Variants in IL1RAP observed in about 807,000 individuals in gnomAD.
The protein encoded by IL1RAP is interleukin 1 receptor accessory protein, also known as interleukin-1 receptor accessory protein.
In IL1RAP, 35 loss-of-function variants were observed where a neutral mutation model predicts 60.7. The observed-to-expected ratio is 0.58, with a 90% CI of 0.44 to 0.76. The LOEUF is 0.76. Among genes scored for constraint, IL1RAP ranks in the 30% least tolerant of loss-of-function variants. The pLI, the probability that IL1RAP is intolerant of heterozygous loss-of-function variation, is 0.00. For missense variants in IL1RAP, 572 were observed against 693.9 expected, an observed-to-expected ratio of 0.82 and a Z score of 1.97; for synonymous variants, 268 against 250.9, an observed-to-expected ratio of 1.07 and a Z score of -0.64.
chr3:190,529,849 C>A (rs1166571747), intron 1 of IL1RAP, among the ~76,000 whole-genome samples: 3 of 142,394 alleles, frequency 2.1e-5, no homozygotes, highest in Non-Finnish European at 3.0e-5. Flanking sequence ...CAGAGCGAGA[C>A]TCTGACTCAA....
chr3:190,593,461 G>A (rs1242997083), intron 3 of IL1RAP, among the ~76,000 whole-genome samples: 1 of 152,118 alleles, frequency 6.6e-6, no homozygotes, highest in Non-Finnish European at 1.5e-5. Context: ...TATTGTGTTA[G>A]TTTTCTCTCA....
At chr3:190,624,713 C>A in intron 7 of IL1RAP, 1 of 210,530 alleles carries the variant, frequency 4.7e-6, no homozygotes. Flanking sequence ...TGACACACCT[C>A]TTGTTTCAGG....
intron 4 of IL1RAP, 70 bp downstream of exon 4, chr3:190,604,483 G>A (rs1359614840): frequency 2.8e-5 from 42 of 1,474,858 alleles, no homozygotes; most frequent in South Asian, 6.5e-5. Context: ...GATGATCCGT[G>A]TGCTAGGAAG....
At chr3:190,599,246 T>A (rs1729641680) in intron 3 of IL1RAP, among the ~76,000 whole-genome samples, 1 of 152,178 alleles carries the variant, frequency 6.6e-6, no homozygotes, top group Non-Finnish European at 1.5e-5. Context: ...CTATTATTGT[T>A]TTATTCTCTC....
chr3:190,605,688 T>C (rs1384739827), intron 4 of IL1RAP, among the ~76,000 whole-genome samples: 1 of 152,166 alleles, frequency 6.6e-6, no homozygotes, highest in Non-Finnish European at 1.5e-5. Flanking sequence ...CCTTGGCTTG[T>C]ATATGGCCAT....
intron 1 of IL1RAP, among the ~76,000 whole-genome samples, chr3:190,528,660 G>A (rs190083120): frequency 6.7e-4 from 102 of 152,018 alleles, no homozygotes; most frequent in Middle Eastern, 3.4e-3. Flanking sequence ...ACATACACAG[G>A]GGTTTATAAT....
intron 1 of IL1RAP, among the ~76,000 whole-genome samples, chr3:190,549,264 G>A (rs774749856): frequency 8.5e-5 from 13 of 152,102 alleles, no homozygotes; most frequent in Middle Eastern, 3.2e-3. Flanking sequence ...CTCCCAGTGC[G>A]CAGGCTGGTC....
chr3:190,541,029 A>G (rs545689981), intron 1 of IL1RAP, among the ~76,000 whole-genome samples: 4 of 152,230 alleles, frequency 2.6e-5, no homozygotes, highest in African/African-American at 9.6e-5. Context: ...CAGAGGAAAA[A>G]CAAACTTCAC....
downstream of IL1RAP, among the ~76,000 whole-genome samples, chr3:190,652,108 CAT>C (rs765105287): frequency 4.6e-5 from 7 of 152,042 alleles, no homozygotes; most frequent in African/African-American, 7.2e-5. Flanking sequence ...TATTTGGAAA[CAT>C]ATTTTATTTT....
chr3:190,563,009 G>C (rs574439047), intron 2 of IL1RAP, among the ~76,000 whole-genome samples: 1 of 152,252 alleles, frequency 6.6e-6, no homozygotes, highest in South Asian at 2.1e-4. Context: ...TTTTGGAGAG[G>C]TGTGGTCAAG....
chr3:190,550,969 A>G (rs990953323), intron 1 of IL1RAP, among the ~76,000 whole-genome samples: 2 of 152,338 alleles, frequency 1.3e-5, no homozygotes, highest in African/African-American at 4.8e-5. Context: ...CTGTTTCTAC[A>G]TACACCTTTT....
At chr3:190,596,654 G>A (rs1729403815) in intron 3 of IL1RAP, among the ~76,000 whole-genome samples, 1 of 152,172 alleles carries the variant, frequency 6.6e-6, no homozygotes, top group South Asian at 2.1e-4. Flanking sequence ...CTCCCATGTT[G>A]AGAGGCCAAT....
chr3:190,656,127 G>T (rs768428574), downstream of IL1RAP: 1 of 1,537,344 alleles, frequency 6.5e-7, no homozygotes, highest in Non-Finnish European at 8.7e-7. Context: ...AGGGAGAAAA[G>T]TCCAAACATT....
intron 3 of IL1RAP, among the ~76,000 whole-genome samples, chr3:190,582,922 A>G (rs999563850): frequency 2.0e-5 from 3 of 152,148 alleles, no homozygotes; most frequent in African/African-American, 7.2e-5. Flanking sequence ...GGAACTTCAC[A>G]TGTACTATTC....
chr3:190,527,593 C>CT (rs1463463982), intron 1 of IL1RAP, among the ~76,000 whole-genome samples: 1 of 151,748 alleles, frequency 6.6e-6, no homozygotes, highest in Non-Finnish European at 1.5e-5. Flanking sequence ...TTACTTTGAC[C>CT]TGGAAGAAGC....
chr3:190,523,731 G>A (rs1169700452), intron 1 of IL1RAP, among the ~76,000 whole-genome samples: 1 of 152,118 alleles, frequency 6.6e-6, no homozygotes, highest in Non-Finnish European at 1.5e-5. Flanking sequence ...GTATTCCACG[G>A]TGTATATGTA....
chr3:190,613,517 A>C (rs1228589040), intron 5 of IL1RAP, among the ~76,000 whole-genome samples: 2 of 152,200 alleles, frequency 1.3e-5, no homozygotes, highest in African/African-American at 4.8e-5. Flanking sequence ...TACTCTGGAG[A>C]TACTATTCAT....
intron 3 of IL1RAP, among the ~76,000 whole-genome samples, chr3:190,602,446 T>C (rs1729943774): frequency 6.6e-6 from 1 of 152,142 alleles, no homozygotes; most frequent in South Asian, 2.1e-4. Flanking sequence ...TCAAAAATCT[T>C]TTAACACTTA....
At chr3:190,656,592 C>T (rs1008193967) in exon 12 of IL1RAP, 38 of 1,519,274 alleles carry the variant, frequency 2.5e-5, no homozygotes, top group Non-Finnish European at 3.3e-5. Context: ...ATAACAACGA[C>T]TTTTATATCC....
Sources: allele counts gnomAD v4.1 joint callset (sites outside exome capture counted in the v4.1 genomes callset), GRCh38; gene constraint gnomAD v4.1.1; transcripts MANE v1.5; gene names NCBI Gene and HGNC (gene_info 2026-07-23, HGNC 2026-07-21).